SNX29: variants seen among roughly 807,000 people sequenced by gnomAD.
SNX29 encodes sorting nexin-29.
Under a neutral mutation model 102.1 loss-of-function variants are expected in SNX29, and 78 were observed. That is an observed-to-expected ratio of 0.76 (90% confidence interval 0.64 to 0.92). The LOEUF is 0.92. Among genes scored for constraint, SNX29 ranks in the 40% least tolerant of loss-of-function variants. The pLI, the probability that SNX29 is intolerant of heterozygous loss-of-function variation, is 0.00. For synonymous variants in SNX29, 580 were observed against 414.5 expected, an observed-to-expected ratio of 1.40 and a Z score of -4.85; for missense variants, 1,280 against 1,061.7, an observed-to-expected ratio of 1.21 and a Z score of -2.86.
At chr16:12,380,680 TCCA>T (rs2083066156) in intron 16 of SNX29, among the ~76,000 whole-genome samples, 1 of 29,882 alleles carries the variant, frequency 3.3e-5, no homozygotes, top group African/African-American at 1.0e-4. Context: ...CATCCATCCA[TCCA>T]CCATCCACCC....
intron 14 of SNX29, among the ~76,000 whole-genome samples, chr16:12,228,128 G>A (rs1299850436): frequency 6.6e-6 from 1 of 152,110 alleles, no homozygotes; most frequent in Non-Finnish European, 1.5e-5. Flanking sequence ...AAAGGAGAAT[G>A]TCAGACCTTA....
intron 14 of SNX29, among the ~76,000 whole-genome samples, chr16:12,268,029 G>A (rs1199148000): frequency 2.0e-5 from 3 of 152,152 alleles, no homozygotes; most frequent in African/African-American, 7.2e-5. Flanking sequence ...TGCGGTTCCC[G>A]GGAACGTTCT....
rs139977603 is a variant in SNX29, at chr16:12,430,042, C to T, written c.2037+26513C>T. Among the ~76,000 whole-genome samples the T allele has an allele frequency of 2.3e-3, 344 of 152,342 alleles. 1 individual carries two copies. The highest frequency in any genetic ancestry group is 7.9e-3 in the African/African-American group (328 of 41,582). ...CCAGCAAGCATTACTGCCTGAGCTC[C>T]GCCTCCTGTCAGATCAGCAGTGGCA... On this transcript the variant is annotated intron_variant, in intron 18 of 20. Coordinates refer to ENST00000566228, the MANE Select transcript of SNX29 (RefSeq NM_032167.5).
chr16:12,570,158 G>C lies in SNX29; in HGVS notation c.*1529G>C, dbSNP rs142196871. ...AAGGCTGAGATCACTCACACACAGC[G>C]CCCCCCCACCCCAGAGAAACCGAGT... On this transcript the variant is annotated 3_prime_UTR_variant, in exon 21 of 21. Coordinates refer to ENST00000566228, the MANE Select transcript of SNX29 (RefSeq NM_032167.5). 1.2e-5 allele frequency: 13 copies of C among 1,064,016 alleles called. No homozygotes were observed. In the Admixed American group the frequency reaches 2.1e-4, roughly 18 times the overall value. The allele number at this position is 1,064,016 out of a possible 1,614,324, so 65.9% of individuals were successfully genotyped here.
At chr16:12,440,557 C>T (rs112116609) in intron 18 of SNX29, among the ~76,000 whole-genome samples, 1 of 152,056 alleles carries the variant, frequency 6.6e-6, no homozygotes, top group South Asian at 2.1e-4. Context: ...TAAGCCGAGT[C>T]CTCATTAGTT....
chr16:12,225,918 A>C (rs937401233), intron 14 of SNX29, among the ~76,000 whole-genome samples: 1 of 152,140 alleles, frequency 6.6e-6, no homozygotes, highest in East Asian at 1.9e-4. Context: ...CTTTTAACTA[A>C]CCCCAGTAAG....
chr16:12,571,898 C>A lies in SNX29; in HGVS notation c.*3269C>A, dbSNP rs894498451. 9.4e-7 allele frequency: 1 copy of A among 1,061,928 alleles called. No individual in the cohort carries two copies. The highest frequency in any genetic ancestry group is 5.4e-5 in the Admixed American group (1 of 18,596). The allele number at this position is 1,061,928 out of a possible 1,614,324, so 65.8% of individuals were successfully genotyped here. A position where few individuals can be genotyped will look rare whatever the true frequency, so the allele number is the denominator to read the frequency against. ...GTTTGGAGCTGAGGTTCAAAGCCCC[C>A]TGCATTTCTCTACTGGCAGGCCCTG... On this transcript the variant is annotated 3_prime_UTR_variant, in exon 21 of 21. Coordinates refer to ENST00000566228, the MANE Select transcript of SNX29 (RefSeq NM_032167.5).
intron 4 of SNX29, among the ~76,000 whole-genome samples, chr16:12,035,700 C>T (rs1424714597): frequency 2.0e-5 from 3 of 151,918 alleles, no homozygotes; most frequent in South Asian, 2.1e-4. Flanking sequence ...AGAGTGTGCC[C>T]TCACATTCAT....
intron 1 of SNX29, among the ~76,000 whole-genome samples, chr16:11,996,547 T>C (rs1274182623): frequency 6.6e-6 from 1 of 152,246 alleles, no homozygotes; most frequent in Non-Finnish European, 1.5e-5. Flanking sequence ...ATTCTATTTT[T>C]TTCCTGCATG....
At chr16:12,479,745 T>C (rs1014508987) in intron 19 of SNX29, among the ~76,000 whole-genome samples, 3 of 152,190 alleles carry the variant, frequency 2.0e-5, no homozygotes, top group Non-Finnish European at 4.4e-5. Context: ...CAGCGTATTA[T>C]CAAATTATAA....
chr16:12,332,916 G>T (rs1017278631), intron 15 of SNX29, among the ~76,000 whole-genome samples: 3 of 152,076 alleles, frequency 2.0e-5, no homozygotes, highest in Admixed American at 1.3e-4. Context: ...TCCTGGGCCC[G>T]CTTTGAGACC....
chr16:12,568,316 A>AAC (rs1555465918), intron 20 of SNX29, among the ~76,000 whole-genome samples, 190 bp from the exon 21 acceptor site: 2 of 151,256 alleles, frequency 1.3e-5, no homozygotes, highest in Non-Finnish European at 1.5e-5. Flanking sequence ...AAAAAAAAAA[A>AAC]ATGGAAAGGT....
intron 18 of SNX29, among the ~76,000 whole-genome samples, chr16:12,467,599 C>T (rs1013931210): frequency 7.0e-5 from 10 of 143,570 alleles, no homozygotes; most frequent in Non-Finnish European, 1.0e-4. Context: ...TTCGTTCATT[C>T]GTTTGTTCGT....
chr16:12,162,197 G>T (rs116421135), intron 13 of SNX29, among the ~76,000 whole-genome samples: 1 of 152,148 alleles, frequency 6.6e-6, no homozygotes, highest in Non-Finnish European at 1.5e-5. Flanking sequence ...TCTCAGCACG[G>T]TCGGCTCCTT....
At chr16:12,276,140 G>T (rs149187028) in intron 14 of SNX29, among the ~76,000 whole-genome samples, 126 of 152,130 alleles carry the variant, frequency 8.3e-4, no homozygotes, top group African/African-American at 2.9e-3. Flanking sequence ...TGATCCACCC[G>T]CCTTGGCCTC....
chr16:12,555,988 G>C (rs955058939), intron 20 of SNX29, among the ~76,000 whole-genome samples: 1 of 151,836 alleles, frequency 6.6e-6, no homozygotes, highest in African/African-American at 2.4e-5. Flanking sequence ...ATTTTCAAGT[G>C]TTTTTTTTGT....
intron 20 of SNX29, among the ~76,000 whole-genome samples, chr16:12,535,447 A>G (rs2077048430): frequency 6.6e-6 from 1 of 152,160 alleles, no homozygotes; most frequent in Non-Finnish European, 1.5e-5. Flanking sequence ...TTCATTTATT[A>G]ACACATCCTT....
Position 12,287,133 on chromosome 16 carries a change from C to T in SNX29, c.1782+9097C>T, listed in dbSNP as rs72786339. 5.4e-3 allele frequency among the ~76,000 whole-genome samples: 824 copies of T among 152,260 alleles called. 11 individuals are homozygous for T. The highest frequency in any genetic ancestry group is 9.8e-3 in the Non-Finnish European group (664 of 68,008). Reference sequence around the variant, plus strand: ...GAGCTTTTCTGTCTTTTGGATGTGCCCTTTGCTTGGCTCTCTGCCTTGACT... The same window carrying T: ...GAGCTTTTCTGTCTTTTGGATGTGCTCTTTGCTTGGCTCTCTGCCTTGACT... On this transcript the variant is annotated intron_variant, in intron 15 of 20. Coordinates refer to ENST00000566228, the MANE Select transcript of SNX29 (RefSeq NM_032167.5).
At chr16:12,564,934 T>TAAAAAAAAAAAAA (rs6145751) in intron 20 of SNX29, among the ~76,000 whole-genome samples, 1 of 144,850 alleles carries the variant, frequency 6.9e-6, no homozygotes, top group Non-Finnish European at 1.5e-5. Flanking sequence ...ACCTTGGTGT[T>TAAAAAAAAAAAAA]AAAAAAAAAA....
Sources: gnomAD v4.1 joint callset for allele counts (sites outside exome capture counted in the v4.1 genomes callset) on GRCh38, gnomAD v4.1.1 for gene constraint, MANE v1.5 for transcripts, NCBI Gene and HGNC (gene_info 2026-07-23, HGNC 2026-07-21) for gene names.